PTTG1IP2: variants seen among roughly 807,000 people sequenced by gnomAD.
PTTG1IP2 encodes the protein PTTG1IP family member 2.
chr7:90,488,702 T>C (rs1468520368), intron 3 of PTTG1IP2, among the ~76,000 whole-genome samples, 169 bp from the exon 4 acceptor site: 1 of 152,034 alleles, frequency 6.6e-6, no homozygotes, highest in African/African-American at 2.4e-5. Context: ...TGTTAGTGAT[T>C]GTTGTGTTAA....
intron 2 of PTTG1IP2, among the ~76,000 whole-genome samples, chr7:90,485,053 A>G (rs1380123199): frequency 6.6e-6 from 1 of 152,088 alleles, no homozygotes; most frequent in Admixed American, 6.6e-5. Flanking sequence ...TCAAAAGACT[A>G]CTCCAGTAGT....
At chr7:90,471,922 G>A (rs1797693228) in intron 1 of PTTG1IP2, among the ~76,000 whole-genome samples, 1 of 152,092 alleles carries the variant, frequency 6.6e-6, no homozygotes, top group South Asian at 2.1e-4. Context: ...TCATGGAAAT[G>A]GGAAACACCT....
chr7:90,474,621 G>A (rs1011306518), intron 1 of PTTG1IP2, among the ~76,000 whole-genome samples: 1 of 152,174 alleles, frequency 6.6e-6, no homozygotes, highest in African/African-American at 2.4e-5. Flanking sequence ...CAAGAAGCAG[G>A]CAGCAGAGGC....
At chr7:90,484,643 C>T (rs1797848955) in intron 2 of PTTG1IP2, among the ~76,000 whole-genome samples, 1 of 152,066 alleles carries the variant, frequency 6.6e-6, no homozygotes, top group Non-Finnish European at 1.5e-5. Context: ...AAGTTCTGGT[C>T]TTTGATAACT....
chr7:90,486,642 C>T (rs1158356370), intron 2 of PTTG1IP2, among the ~76,000 whole-genome samples: 1 of 151,930 alleles, frequency 6.6e-6, no homozygotes, highest in Admixed American at 6.6e-5. Flanking sequence ...GTTGACAGTA[C>T]CACCAGGGCC....
At chr7:90,472,497 G>C (rs150241639) in intron 1 of PTTG1IP2, among the ~76,000 whole-genome samples, 1 of 152,248 alleles carries the variant, frequency 6.6e-6, no homozygotes, top group Admixed American at 6.5e-5. Flanking sequence ...ATAAATTGAA[G>C]GCCAAATAAT....
intron 6 of PTTG1IP2, among the ~76,000 whole-genome samples, chr7:90,500,570 A>G (rs1798050499): frequency 6.6e-6 from 1 of 152,184 alleles, no homozygotes; most frequent in Non-Finnish European, 1.5e-5. Context: ...TAACACATGT[A>G]AGGGTCAGAG....
chr7:90,473,088 T>C (rs1315567371), intron 1 of PTTG1IP2, among the ~76,000 whole-genome samples: 1 of 152,180 alleles, frequency 6.6e-6, no homozygotes, highest in Non-Finnish European at 1.5e-5. Context: ...CTAACATGGC[T>C]CCCAAACAGT....
At chr7:90,502,651 C>T (rs1230091777) in intron 6 of PTTG1IP2, among the ~76,000 whole-genome samples, 1 of 152,156 alleles carries the variant, frequency 6.6e-6, no homozygotes, top group Non-Finnish European at 1.5e-5. Context: ...TCAGAACTCT[C>T]GAGTGACCAG....
chr7:90,508,306 C>T (rs867843572), intron 6 of PTTG1IP2, among the ~76,000 whole-genome samples: 13 of 149,868 alleles, frequency 8.7e-5, no homozygotes, highest in Admixed American at 2.7e-4. Flanking sequence ...AATATTTCTA[C>T]AGTAAGTTCC....
intron 6 of PTTG1IP2, among the ~76,000 whole-genome samples, chr7:90,501,104 C>G (rs1228133357): frequency 6.6e-6 from 1 of 152,086 alleles, no homozygotes; most frequent in Non-Finnish European, 1.5e-5. Flanking sequence ...CCACATATGA[C>G]CACTTTTAAA....
chr7:90,481,870 A>G (rs544029230), intron 2 of PTTG1IP2, among the ~76,000 whole-genome samples: 1 of 152,310 alleles, frequency 6.6e-6, no homozygotes, highest in African/African-American at 2.4e-5. Flanking sequence ...TAACTATTGA[A>G]TTAACTCTTG....
chr7:90,485,032 T>C (rs1274614059), intron 2 of PTTG1IP2, among the ~76,000 whole-genome samples: 3 of 152,142 alleles, frequency 2.0e-5, no homozygotes, highest in Non-Finnish European at 4.4e-5. Context: ...GTTACTAGGC[T>C]ACTGCCTGGG....
chr7:90,512,107 A>G (rs539816929), intron 6 of PTTG1IP2, among the ~76,000 whole-genome samples: 1 of 152,342 alleles, frequency 6.6e-6, no homozygotes, highest in East Asian at 1.9e-4. Flanking sequence ...TCAGATAAGA[A>G]TAAAGGGAGT....
intron 6 of PTTG1IP2, among the ~76,000 whole-genome samples, chr7:90,505,212 G>C (rs1238359484): frequency 1.3e-5 from 2 of 152,138 alleles, no homozygotes; most frequent in South Asian, 4.1e-4. Context: ...ATTTGAAAAG[G>C]GTATTCGATG....
chr7:90,502,237 A>G (rs1798068649), intron 6 of PTTG1IP2, among the ~76,000 whole-genome samples: 1 of 152,144 alleles, frequency 6.6e-6, no homozygotes, highest in South Asian at 2.1e-4. Flanking sequence ...TCCCACCTCA[A>G]ATGATCCTCA....
chr7:90,505,202 A>G (rs1798109874), intron 6 of PTTG1IP2, among the ~76,000 whole-genome samples: 1 of 152,214 alleles, frequency 6.6e-6, no homozygotes, highest in Admixed American at 6.5e-5. Context: ...TTTTAACCAT[A>G]TTTGAAAAGG....
intron 6 of PTTG1IP2, among the ~76,000 whole-genome samples, chr7:90,505,990 C>CAAAAAAA (rs59521168): frequency 3.2e-4 from 25 of 77,366 alleles, no homozygotes; most frequent in Admixed American, 5.2e-4. Flanking sequence ...GACTCCGTCT[C>CAAAAAAA]AAAAAAAAAA....
intron 1 of PTTG1IP2, among the ~76,000 whole-genome samples, chr7:90,477,424 A>G (rs1797760668): frequency 1.3e-5 from 2 of 152,262 alleles, no homozygotes; most frequent in Non-Finnish European, 2.9e-5. Flanking sequence ...ATGGAACCAG[A>G]GCAGGCTATT....
Sources: allele counts gnomAD v4.1 joint callset (sites outside exome capture counted in the v4.1 genomes callset), GRCh38; gene constraint gnomAD v4.1.1; transcripts MANE v1.5; gene names NCBI Gene and HGNC (gene_info 2026-07-23, HGNC 2026-07-21).